CDH1: variants seen among roughly 807,000 people sequenced by gnomAD.
CDH1 encodes the protein cadherin-1.
In CDH1, 35 loss-of-function variants were observed where a neutral mutation model predicts 84.5. The ratio of observed to expected loss-of-function variants is 0.41; its 90% CI spans 0.32 to 0.55. The LOEUF is 0.55. Ranked by LOEUF, CDH1 falls within the 20% of genes least tolerant of loss-of-function variation. CDH1 has a pLI of 0.19. For synonymous variants in CDH1, 417 were observed against 439.0 expected, an observed-to-expected ratio of 0.95 and a Z score of 0.63; for missense variants, 994 against 1,126.6, an observed-to-expected ratio of 0.88 and a Z score of 1.68.
intron 2 of CDH1, among the ~76,000 whole-genome samples, chr16:68,777,345 A>G (rs1209389176): frequency 6.6e-6 from 1 of 152,162 alleles, no homozygotes; most frequent in Non-Finnish European, 1.5e-5. Flanking sequence ...CTCATTTGTC[A>G]AATGGAGACA....
chr16:68,808,247 G>C (rs188668005), intron 3 of CDH1, among the ~76,000 whole-genome samples, 177 bp from the exon 4 acceptor site: 2 of 152,284 alleles, frequency 1.3e-5, no homozygotes, highest in African/African-American at 4.8e-5. Context: ...TTTTTGTTTT[G>C]ATTGGTCATT....
intron 2 of CDH1, among the ~76,000 whole-genome samples, chr16:68,776,812 G>A (rs1015498613): frequency 3.3e-5 from 5 of 152,176 alleles, no homozygotes; most frequent in Admixed American, 1.3e-4. Flanking sequence ...TGTCAGATTA[G>A]GCTGGTCACT....
intron 2 of CDH1, among the ~76,000 whole-genome samples, chr16:68,771,709 A>G (rs985259091): frequency 6.6e-6 from 1 of 150,978 alleles, no homozygotes; most frequent in African/African-American, 2.4e-5. Flanking sequence ...CCGAGATCGC[A>G]CCACTACACT....
intron 14 of CDH1, 121 bp downstream of exon 14, chr16:68,828,425 CT>C: frequency 1.0e-6 from 1 of 965,372 alleles, no homozygotes; most frequent in Non-Finnish European, 1.6e-6. Flanking sequence ...TTTTTAAGGC[CT>C]TACCCAAGAA....
chr16:68,740,567 C>CTGGGG (rs150759824), intron 2 of CDH1, among the ~76,000 whole-genome samples: 112 of 152,164 alleles, frequency 7.4e-4, no homozygotes, highest in Middle Eastern at 3.4e-3. Context: ...GAGCATGCGT[C>CTGGGG]TGGGGTGTCC....
At chr16:68,823,753 A>G in intron 13 of CDH1, 127 bp downstream of exon 13, 1 of 671,382 alleles carries the variant, frequency 1.5e-6, no homozygotes, top group East Asian at 2.7e-5. Flanking sequence ...AGAGACTCCC[A>G]AGTTATGCCA....
intron 2 of CDH1, among the ~76,000 whole-genome samples, chr16:68,766,890 G>A (rs1959406112): frequency 6.6e-6 from 1 of 151,890 alleles, no homozygotes; most frequent in African/African-American, 2.4e-5. Flanking sequence ...ATCACGCCCG[G>A]CTGATTTTTT....
At chr16:68,798,431 T>G (rs967668848) in intron 2 of CDH1, among the ~76,000 whole-genome samples, 1 of 151,994 alleles carries the variant, frequency 6.6e-6, no homozygotes, top group Admixed American at 6.6e-5. Flanking sequence ...TCCTACAATT[T>G]CCTATAATCA....
At chr16:68,744,038 G>GA (rs1200866048) in intron 2 of CDH1, among the ~76,000 whole-genome samples, 1 of 152,244 alleles carries the variant, frequency 6.6e-6, no homozygotes, top group Non-Finnish European at 1.5e-5. Context: ...AGAGAAAGTA[G>GA]AGAGAATATT....
chr16:68,766,060 C>T (rs767280990), intron 2 of CDH1, among the ~76,000 whole-genome samples: 2 of 152,056 alleles, frequency 1.3e-5, no homozygotes, highest in Non-Finnish European at 2.9e-5. Flanking sequence ...GAGTTTGAGA[C>T]CAGCCTGGCC....
In CDH1 at chr16:68,766,665, T is replaced by C. The variant is rs150464186; in HGVS notation, c.163+28254T>C. On this transcript the variant is annotated intron_variant, in intron 2 of 15. Coordinates refer to ENST00000261769, the MANE Select transcript of CDH1 (RefSeq NM_004360.5). ...ACATAGCCTTACTATATGTGGGGCA[T>C]TGCCCTGAGCATTTGTATAGTAACA... Among the ~76,000 whole-genome samples, 57 of 152,338 alleles carry C rather than the reference T, an allele frequency of 3.7e-4. 1 individual carries two copies. The highest frequency in any genetic ancestry group is 3.4e-3 in the Middle Eastern group (1 of 294).
chr16:68,775,647 G>A (rs1959712335), intron 2 of CDH1, among the ~76,000 whole-genome samples: 1 of 152,220 alleles, frequency 6.6e-6, no homozygotes, highest in Admixed American at 6.5e-5. Flanking sequence ...TGGGACTCAA[G>A]TTTGTAATTT....
chr16:68,753,400 G>A lies in CDH1; in HGVS notation c.163+14989G>A, dbSNP rs573749352. 2.0e-5 allele frequency among the ~76,000 whole-genome samples: 3 copies of A among 151,656 alleles called. No individual in the cohort carries two copies. The South Asian group carries it at 6.3e-4, about 32-fold the overall frequency. On this transcript the variant is annotated intron_variant, in intron 2 of 15. Coordinates refer to ENST00000261769, the MANE Select transcript of CDH1 (RefSeq NM_004360.5). ...CTCCCTCTGTCACCCAGGCTGGAGG[G>A]CAGTGGTGCAATCTTGGCTCACTGC...
chr16:68,812,280 T>C lies in CDH1; in HGVS notation c.1137+17T>C. The C allele has an allele frequency of 1.9e-6, 3 of 1,613,646 alleles. No homozygotes were observed. The highest frequency in any genetic ancestry group is 2.5e-6 in the Non-Finnish European group (3 of 1,179,644). The stretch of plus-strand genomic sequence containing the variant: ...CCCACCACGGTAATTCTATAACTCC[T>C]TAGAGGGTTTCCAAAGAAAGGTCTT... On this transcript the variant is annotated intron_variant, in intron 8 of 15. Coordinates refer to ENST00000261769, the MANE Select transcript of CDH1 (RefSeq NM_004360.5).
intron 2 of CDH1, among the ~76,000 whole-genome samples, chr16:68,791,415 AC>A (rs1297978176): frequency 4.6e-5 from 7 of 152,062 alleles, no homozygotes; most frequent in African/African-American, 1.7e-4. Flanking sequence ...CATTCCTGAT[AC>A]TTTTTTTCGT....
At chr16:68,820,932 C>T (rs766745096) in intron 11 of CDH1, among the ~76,000 whole-genome samples, 2 of 152,096 alleles carry the variant, frequency 1.3e-5, no homozygotes, top group African/African-American at 2.4e-5. Context: ...AGTTATCATG[C>T]TTGGCCTCCT....
chr16:68,773,069 A>G (rs963180510), intron 2 of CDH1, among the ~76,000 whole-genome samples: 1 of 152,188 alleles, frequency 6.6e-6, no homozygotes, highest in Non-Finnish European at 1.5e-5. Context: ...GTGGCTTGTT[A>G]TAAGTGGTGG....
intron 2 of CDH1, among the ~76,000 whole-genome samples, chr16:68,787,752 G>C (rs1960097336): frequency 6.6e-6 from 1 of 151,634 alleles, no homozygotes; most frequent in African/African-American, 2.4e-5. Context: ...TCTGCCTCCT[G>C]GGTTCAAGCA....
At chr16:68,767,887 G>A (rs1959435016) in intron 2 of CDH1, among the ~76,000 whole-genome samples, 1 of 152,154 alleles carries the variant, frequency 6.6e-6, no homozygotes. Context: ...TTGAGCCTAA[G>A]TGTTCCAGAC....
Sources: allele counts gnomAD v4.1 joint callset (sites outside exome capture counted in the v4.1 genomes callset), GRCh38; gene constraint gnomAD v4.1.1; transcripts MANE v1.5; gene names NCBI Gene and HGNC (gene_info 2026-07-23, HGNC 2026-07-21).